Variants in SRGAP3 observed in about 807,000 individuals in gnomAD.
SRGAP3 encodes SLIT-ROBO Rho GTPase activating protein 3.
In SRGAP3, 39 loss-of-function variants were observed where a neutral mutation model predicts 121.1. The ratio of observed to expected loss-of-function variants is 0.32; its 90% CI spans 0.25 to 0.42. SRGAP3 has a LOEUF of 0.42. Among genes scored for constraint, SRGAP3 ranks in the 10% least tolerant of loss-of-function variants. The pLI, the probability that SRGAP3 is intolerant of heterozygous loss-of-function variation, is 1.00. For missense variants in SRGAP3, 1,213 were observed against 1,470.6 expected, an observed-to-expected ratio of 0.82 and a Z score of 2.86; for synonymous variants, 601 against 570.0, an observed-to-expected ratio of 1.05 and a Z score of -0.77.
chr3:9,289,190 T>G (rs981860888), intron 3 of SRGAP3, among the ~76,000 whole-genome samples: 1 of 152,258 alleles, frequency 6.6e-6, no homozygotes, highest in Non-Finnish European at 1.5e-5. Context: ...TGAGCCAGCA[T>G]GCCTGGCCTA....
At chr3:9,128,713 G>C (rs1949332644) in intron 1 of SRGAP3, among the ~76,000 whole-genome samples, 1 of 152,114 alleles carries the variant, frequency 6.6e-6, no homozygotes, top group Non-Finnish European at 1.5e-5. Context: ...AGAATAGAAT[G>C]GATTTTTTGA....
intron 3 of SRGAP3, among the ~76,000 whole-genome samples, chr3:9,325,845 A>G (rs1300235481): frequency 6.6e-6 from 1 of 152,012 alleles, no homozygotes; most frequent in East Asian, 1.9e-4. Context: ...TACATAATAG[A>G]CCCCTTTTTC....
In SRGAP3 at chr3:9,052,316, A is replaced by G. The variant is rs76660872; in HGVS notation, c.1323+711T>C. ...GAAGATAGCAAAGATAAAGGAAAACATGGTAATACCAAAAGCCAGGCACAA... is the reference window on the plus strand; with the variant it reads ...GAAGATAGCAAAGATAAAGGAAAACGTGGTAATACCAAAAGCCAGGCACAA... On this transcript the variant is annotated intron_variant, in intron 9 of 21. Transcript: ENST00000383836. 9.3e-4 allele frequency among the ~76,000 whole-genome samples: 141 copies of G among 152,350 alleles called. No homozygotes were observed. The East Asian group carries it at 0.026, about 28-fold the overall frequency.
At chr3:9,211,616 C>G (rs1258859872) in intron 1 of SRGAP3, among the ~76,000 whole-genome samples, 2 of 151,594 alleles carry the variant, frequency 1.3e-5, no homozygotes, top group African/African-American at 2.4e-5. Flanking sequence ...CATCAAGATG[C>G]AGAGACAACA....
intron 3 of SRGAP3, among the ~76,000 whole-genome samples, chr3:9,307,299 C>T (rs555497202): frequency 6.6e-6 from 1 of 152,268 alleles, no homozygotes; most frequent in African/African-American, 2.4e-5. Context: ...TCACTGCCTG[C>T]CCCACTCCAG....
Position 9,013,537 on chromosome 3 carries a change from TAGG to T in SRGAP3, c.1920-5_1920-3del. 1 of 1,613,986 alleles carries T rather than the reference TAGG, an allele frequency of 6.2e-7. No individual in the cohort carries two copies. The highest frequency in any genetic ancestry group is 8.5e-7 in the Non-Finnish European group (1 of 1,179,960). On this transcript the variant is annotated splice_polypyrimidine_tract_variant and splice_region_variant and intron_variant, in intron 16 of 21. Coordinates refer to ENST00000383836, the MANE Select transcript of SRGAP3 (RefSeq NM_014850.4). Reference sequence around the variant, plus strand: ...TTCTCGTCGCTATACTGGGAGAGGCTAGGAGAGAGGAGTTACCCACAAGTCATC... The same window carrying T: ...TTCTCGTCGCTATACTGGGAGAGGCTAGAGAGGAGTTACCCACAAGTCATC...
intron 10 of SRGAP3, among the ~76,000 whole-genome samples, chr3:9,041,819 G>A (rs557170040): frequency 3.3e-5 from 5 of 152,306 alleles, no homozygotes; most frequent in African/African-American, 4.8e-5. Context: ...AAACAGATGA[G>A]GCTGGGAGTG....
chr3:9,040,070 G>T (rs188630981), intron 10 of SRGAP3, among the ~76,000 whole-genome samples: 1 of 152,154 alleles, frequency 6.6e-6, no homozygotes, highest in East Asian at 1.9e-4. Flanking sequence ...AATTAAATTT[G>T]TCCACTTCTC....
intron 8 of SRGAP3, among the ~76,000 whole-genome samples, chr3:9,054,336 C>G (rs908353018): frequency 1.3e-5 from 2 of 152,184 alleles, no homozygotes; most frequent in African/African-American, 4.8e-5. Context: ...AGCCTACAAC[C>G]GGGAGGCTTC....
At chr3:9,195,272 T>A (rs1951881869) in intron 1 of SRGAP3, among the ~76,000 whole-genome samples, 1 of 152,244 alleles carries the variant, frequency 6.6e-6, no homozygotes, top group African/African-American at 2.4e-5. Context: ...TCAGCATTAT[T>A]TACTTAATTA....
At chr3:9,313,604 G>A (rs1286403931) in intron 3 of SRGAP3, among the ~76,000 whole-genome samples, 1 of 152,016 alleles carries the variant, frequency 6.6e-6, no homozygotes, top group Non-Finnish European at 1.5e-5. Flanking sequence ...TTGAACCTGG[G>A]AGGCAGAGGT....
At position 9,041,693 on chromosome 3, in the gene SRGAP3, C is replaced by T. The variant is rs116825643; in HGVS notation, c.1409-3603G>A. On this transcript the variant is annotated intron_variant, in intron 10 of 21. Transcript: ENST00000383836. ...CAGTCATGGCTCCAAAAATGCTCTC[C>T]GTTTCCTAATATTCTCAAGAACTGC... Among the ~76,000 whole-genome samples the T allele has an allele frequency of 9.8e-4, 150 of 152,340 alleles. 1 individual carries two copies. The highest frequency in any genetic ancestry group is 3.2e-3 in the African/African-American group (133 of 41,584).
intron 1 of SRGAP3, among the ~76,000 whole-genome samples, chr3:9,187,441 A>G (rs559030915): frequency 3.9e-5 from 6 of 152,166 alleles, no homozygotes; most frequent in Middle Eastern, 3.4e-3. Context: ...AGTGCTCCAC[A>G]TCCTTTCTCT....
Position 9,225,041 on chromosome 3 carries a change from C to T in SRGAP3, c.67+23844G>A, listed in dbSNP as rs1037808473. On this transcript the variant is annotated intron_variant, in intron 1 of 21. Coordinates refer to ENST00000383836, the MANE Select transcript of SRGAP3 (RefSeq NM_014850.4). ...TAGAGCTAACAGTCCTTGAAGATTC[C>T]TGCTTCTGGGTAAAGTGCCTGCAGT... Among the ~76,000 whole-genome samples, 3 of 152,188 alleles carry T rather than the reference C, an allele frequency of 2.0e-5. No individual in the cohort carries two copies. The East Asian group carries it at 5.8e-4, about 29-fold the overall frequency.
chr3:9,342,740 A>G (rs768267461), intron 1 of SRGAP3, among the ~76,000 whole-genome samples: 8 of 152,242 alleles, frequency 5.3e-5, no homozygotes, highest in African/African-American at 7.2e-5. Context: ...CCTACCTGAA[A>G]AACAGTGAAT....
chr3:9,355,841 T>A (rs2030467469), intron 1 of SRGAP3: 1 of 152,218 alleles, frequency 6.6e-6, no homozygotes, highest in Admixed American at 6.5e-5. Flanking sequence ...GGTGCTGGCA[T>A]CTGGTGAGGG....
At chr3:9,115,279 G>A (rs1369547939) in intron 2 of SRGAP3, among the ~76,000 whole-genome samples, 2 of 152,136 alleles carry the variant, frequency 1.3e-5, no homozygotes, top group South Asian at 2.1e-4. Context: ...AGTGTAAGGT[G>A]CTATATAGTC....
At chr3:9,121,920 C>G (rs1224395992) in intron 2 of SRGAP3, among the ~76,000 whole-genome samples, 7 of 152,170 alleles carry the variant, frequency 4.6e-5, no homozygotes, top group South Asian at 2.1e-4. Flanking sequence ...TCTGCTGTGC[C>G]TGTGGTTCCA....
intron 1 of SRGAP3, among the ~76,000 whole-genome samples, chr3:9,345,490 A>C (rs1308818542): frequency 6.6e-6 from 1 of 151,044 alleles, no homozygotes; most frequent in Non-Finnish European, 1.5e-5. Flanking sequence ...TCAAAAAAAA[A>C]AGAAAAAAGA....
Sources: allele counts gnomAD v4.1 joint callset (sites outside exome capture counted in the v4.1 genomes callset), GRCh38; gene constraint gnomAD v4.1.1; transcripts MANE v1.5; gene names NCBI Gene and HGNC (gene_info 2026-07-23, HGNC 2026-07-21).